The following CHN2 variants were observed in gnomAD, a reference collection of about 807,000 sequenced individuals.
The protein encoded by CHN2 is beta-chimaerin.
Under a neutral mutation model 56.3 loss-of-function variants are expected in CHN2, and 35 were observed. That is an observed-to-expected ratio of 0.62 (90% CI 0.47 to 0.82). The LOEUF (loss-of-function observed/expected upper bound fraction) is 0.82. Ranked by LOEUF, CHN2 falls within the 40% of genes least tolerant of loss-of-function variation. The pLI, the probability that CHN2 is intolerant of heterozygous loss-of-function variation, is 0.00. For synonymous variants in CHN2, 210 were observed against 212.8 expected (o/e 0.99, Z 0.12); for missense variants, 491 against 580.5 (o/e 0.85, Z 1.58).
intron 6 of CHN2, among the ~76,000 whole-genome samples, chr7:29,413,384 C>T (rs1803426596): frequency 6.6e-6 from 1 of 152,140 alleles, no homozygotes; most frequent in African/African-American, 2.4e-5. Flanking sequence ...TCCCAACACA[C>T]CTTTAACAGA....
At chr7:29,317,434 G>T (rs1465147797) in intron 1 of CHN2, among the ~76,000 whole-genome samples, 1 of 152,084 alleles carries the variant, frequency 6.6e-6, no homozygotes, top group Non-Finnish European at 1.5e-5. Context: ...GCAAAGTGTG[G>T]TCCATGGACC....
rs145638795 is a variant in CHN2 at position 29,268,283 on chromosome 7, A to AACACACACACACACACACACAC, written c.49+73311_49+73332dup. Among the ~76,000 whole-genome samples the AACACACACACACACACACACAC allele has an allele frequency of 3.7e-3, 495 of 134,224 alleles. 7 individuals carry two copies. Among genetic ancestry groups the AACACACACACACACACACACAC allele is most frequent in the East Asian group, 0.015 (56 of 3,858 alleles). 88.1% of individuals were successfully genotyped at this position (134,224 alleles called of 152,430 possible). A position where few individuals can be genotyped will look rare whatever the true frequency, so the allele number is the denominator to read the frequency against. On this transcript the variant is annotated intron_variant, in intron 1 of 12. Transcript: ENST00000222792. ...TGTCCTTCATCCACGGCTTCACCAG[A>AACACACACACACACACACACAC]ACACACACACACACACACACACACA...
intron 1 of CHN2, among the ~76,000 whole-genome samples, chr7:29,290,086 G>A (rs1792474866): frequency 2.6e-5 from 4 of 152,188 alleles, no homozygotes; most frequent in Admixed American, 2.0e-4. Flanking sequence ...TAATTTAAAG[G>A]AATCTTTGTA....
chr7:29,291,106 T>G (rs1792577048), intron 1 of CHN2, among the ~76,000 whole-genome samples: 1 of 152,184 alleles, frequency 6.6e-6, no homozygotes, highest in African/African-American at 2.4e-5. Context: ...GTTGTACCCA[T>G]GCTCACTTGA....
In CHN2 at chr7:29,433,335, T is replaced by C. The variant is rs563994305; in HGVS notation, c.576+32507T>C. Among the ~76,000 whole-genome samples, 8 of 152,278 alleles carry C rather than the reference T, an allele frequency of 5.3e-5. No individual in the cohort carries two copies. The South Asian group carries it at 1.5e-3, about 28-fold the overall frequency. ...ATGGGATTTGAAAGATGTGTAGAAC[T>C]GGGAAGGACTGGGCTGAAGGGAGTT... On this transcript the variant is annotated intron_variant, in intron 6 of 12. Coordinates refer to ENST00000222792, the MANE Select transcript of CHN2 (RefSeq NM_004067.4).
intron 2 of CHN2, among the ~76,000 whole-genome samples, chr7:29,184,904 TGGATAA>T (rs1307814854): frequency 2.0e-5 from 3 of 152,198 alleles, no homozygotes; most frequent in Non-Finnish European, 4.4e-5. Flanking sequence ...GGAGTTTATG[TGGATAA>T]GGACAAAAAT....
At chr7:29,253,805 A>C (rs979497637) in intron 1 of CHN2, among the ~76,000 whole-genome samples, 21 of 152,244 alleles carry the variant, frequency 1.4e-4, no homozygotes, top group Admixed American at 3.3e-4. Flanking sequence ...CAACTGTAAA[A>C]TAAGGATGAT....
chr7:29,399,592 G>A (rs1802037896), intron 5 of CHN2, among the ~76,000 whole-genome samples: 1 of 152,120 alleles, frequency 6.6e-6, no homozygotes, highest in South Asian at 2.1e-4. Context: ...GAACTGAATT[G>A]TCTTCCAAAA....
chr7:29,389,524 A>C (rs1801193585), intron 3 of CHN2, among the ~76,000 whole-genome samples: 1 of 152,278 alleles, frequency 6.6e-6, no homozygotes, highest in East Asian at 1.9e-4. Flanking sequence ...GCAGTCTTCA[A>C]CAAGCATCTT....
chr7:29,229,215 C>T (rs1584799625), intron 1 of CHN2, among the ~76,000 whole-genome samples: 1 of 152,130 alleles, frequency 6.6e-6, no homozygotes. Flanking sequence ...AGAAAAAGGA[C>T]AAAGGTAGTG....
chr7:29,419,352 A>C (rs960670851), intron 6 of CHN2, among the ~76,000 whole-genome samples: 10 of 152,334 alleles, frequency 6.6e-5, no homozygotes, highest in African/African-American at 2.4e-4. Context: ...TTAACTACCT[A>C]CACATAAGAC....
intron 6 of CHN2, among the ~76,000 whole-genome samples, chr7:29,477,021 G>A (rs7798161): frequency 0.55 from 83,722 of 152,024 alleles, 23,427 homozygotes; most frequent in Non-Finnish European, 0.61. Flanking sequence ...TAGACATTAC[G>A]GAGCATATAA....
intron 6 of CHN2, among the ~76,000 whole-genome samples, chr7:29,439,205 G>T (rs1394422111): frequency 6.6e-6 from 1 of 152,200 alleles, no homozygotes; most frequent in African/African-American, 2.4e-5. Context: ...TTGTCATCAT[G>T]AATATTTACA....
chr7:29,290,085 G>A (rs1460667296), intron 1 of CHN2, among the ~76,000 whole-genome samples: 1 of 152,194 alleles, frequency 6.6e-6, no homozygotes, highest in Non-Finnish European at 1.5e-5. Context: ...TTAATTTAAA[G>A]GAATCTTTGT....
intron 2 of CHN2, among the ~76,000 whole-genome samples, chr7:29,182,180 GAACTTCTATTAT>G (rs1355709861): frequency 6.6e-6 from 1 of 152,136 alleles, no homozygotes; most frequent in African/African-American, 2.4e-5. Flanking sequence ...CAAATGAACT[GAACTTCTATTAT>G]AAGATGGTGA....
At chr7:29,215,783 A>C (rs1287011230) in intron 1 of CHN2, among the ~76,000 whole-genome samples, 1 of 151,942 alleles carries the variant, frequency 6.6e-6, no homozygotes, top group Non-Finnish European at 1.5e-5. Flanking sequence ...AGGGAAAGAA[A>C]ATGTTCCAAG....
At chr7:29,173,520 C>A (rs1433036286) in intron 2 of CHN2, among the ~76,000 whole-genome samples, 3 of 152,036 alleles carry the variant, frequency 2.0e-5, no homozygotes, top group African/African-American at 7.2e-5. Flanking sequence ...TTAAACTCAT[C>A]AGAGACTTGA....
intron 6 of CHN2, among the ~76,000 whole-genome samples, chr7:29,405,301 G>T (rs1359449554): frequency 2.0e-5 from 3 of 151,670 alleles, no homozygotes; most frequent in African/African-American, 7.3e-5. Context: ...ATTTCTCCAT[G>T]GGGTCTTTAA....
rs188079785 is a variant in CHN2, at chr7:29,504,792, T to A, written c.962T>A (p.Ile321Asn). Residue 321 changes from isoleucine to asparagine, a missense_variant, in exon 10 of 13, where the codon ATT (isoleucine) becomes AAT (asparagine). Coordinates refer to ENST00000222792, the MANE Select transcript of CHN2 (RefSeq NM_004067.4). ...LYRVSGFTEH[I>N]EDVKMAFDRD... is the part of the protein sequence containing the mutation. Reference sequence around the variant, plus strand: ...AGAGTCTCTGGGTTCACTGAACACATTGAAGATGTCAAAATGGCATTTGAC... The same window carrying A: ...AGAGTCTCTGGGTTCACTGAACACAATGAAGATGTCAAAATGGCATTTGAC... The A allele has an allele frequency of 6.2e-7, 1 of 1,613,408 alleles. No homozygotes were observed. Among genetic ancestry groups the A allele is most frequent in the East Asian group, 2.2e-5 (1 of 44,858 alleles).
Sources: gnomAD v4.1 joint callset for allele counts (sites outside exome capture counted in the v4.1 genomes callset) on GRCh38, gnomAD v4.1.1 for gene constraint, MANE v1.5 for transcripts, NCBI Gene and HGNC (gene_info 2026-07-23, HGNC 2026-07-21) for gene names.